SPIDR: variants seen among roughly 807,000 people sequenced by gnomAD.
SPIDR encodes scaffold protein involved in DNA repair.
A neutral mutation model predicts 104.6 loss-of-function variants in SPIDR; 93 were observed. The ratio of observed to expected loss-of-function variants is 0.89; its 90% CI spans 0.75 to 1.06. SPIDR has a LOEUF of 1.06. SPIDR is among the 50% of genes least tolerant of loss of function. The pLI is 0.00. For missense variants in SPIDR, 1,154 were observed against 1,111.2 expected (o/e 1.04, Z -0.55); for synonymous variants, 431 against 416.9 (o/e 1.03, Z -0.41).
At chr8:47,499,830 C>CCCCTTCCTGTG (rs921984645) in intron 8 of SPIDR, among the ~76,000 whole-genome samples, 1 of 149,524 alleles carries the variant, frequency 6.7e-6, no homozygotes, top group Non-Finnish European at 1.5e-5. Flanking sequence ...GTGTGATGTT[C>CCCCTTCCTGTG]CCCTTCCTGT....
intron 5 of SPIDR, among the ~76,000 whole-genome samples, chr8:47,334,062 G>C (rs2049253825): frequency 6.6e-6 from 1 of 152,108 alleles, no homozygotes; most frequent in Non-Finnish European, 1.5e-5. Flanking sequence ...GAAGTATTTT[G>C]TTTAGTTTTC....
chr8:47,418,713 G>C (rs1234015602), intron 7 of SPIDR, among the ~76,000 whole-genome samples: 1 of 152,148 alleles, frequency 6.6e-6, no homozygotes, highest in Non-Finnish European at 1.5e-5. Flanking sequence ...CAAAGGGAAT[G>C]CTTCCAGTTT....
chr8:47,341,931 C>T (rs1336403767), intron 5 of SPIDR, among the ~76,000 whole-genome samples: 2 of 152,216 alleles, frequency 1.3e-5, no homozygotes, highest in Admixed American at 6.5e-5. Flanking sequence ...ACGTGTTTCT[C>T]GGAGTTGCGC....
intron 6 of SPIDR, 73 bp downstream of exon 6, chr8:47,396,699 T>G: frequency 7.2e-7 from 1 of 1,397,428 alleles, no homozygotes; most frequent in Non-Finnish European, 9.7e-7. Flanking sequence ...TCTAAAATGT[T>G]AATTTTAAGA....
intron 8 of SPIDR, among the ~76,000 whole-genome samples, chr8:47,553,372 C>G (rs554497296): frequency 3.9e-5 from 6 of 152,330 alleles, no homozygotes; most frequent in African/African-American, 1.4e-4. Flanking sequence ...CCGTCACTTT[C>G]AGGTACACCA....
intron 1 of SPIDR, among the ~76,000 whole-genome samples, chr8:47,264,994 T>C (rs1255648734): frequency 6.6e-6 from 1 of 152,154 alleles, no homozygotes; most frequent in African/African-American, 2.4e-5. Flanking sequence ...GGAATTGCTG[T>C]CTTTCAGCTT....
At chr8:47,684,126 CAA>C (rs748328609) in intron 11 of SPIDR, among the ~76,000 whole-genome samples, 3 of 38,120 alleles carry the variant, frequency 7.9e-5, no homozygotes, top group African/African-American at 2.1e-4. Flanking sequence ...GACTCTGTCT[CAA>C]AAAAAAAAAA....
intron 5 of SPIDR, among the ~76,000 whole-genome samples, chr8:47,331,990 T>C (rs1554604911): frequency 2.4e-4 from 9 of 37,032 alleles, no homozygotes; most frequent in Middle Eastern, 0.013. Flanking sequence ...TTTTTTTCTC[T>C]TTTTTTTTTT....
At chr8:47,470,955 C>T (rs1188743452) in intron 8 of SPIDR, among the ~76,000 whole-genome samples, 5 of 152,182 alleles carry the variant, frequency 3.3e-5, no homozygotes, top group Admixed American at 6.5e-5. Context: ...AGGATGGTCT[C>T]GATCTCCTGA....
chr8:47,294,698 G>A (rs1020620289), intron 5 of SPIDR, among the ~76,000 whole-genome samples: 6 of 152,100 alleles, frequency 3.9e-5, no homozygotes, highest in East Asian at 1.9e-4. Context: ...TGGTGCGATC[G>A]TAGCTCACTG....
intron 8 of SPIDR, among the ~76,000 whole-genome samples, chr8:47,490,744 G>A (rs1234954110): frequency 6.6e-6 from 1 of 152,108 alleles, no homozygotes; most frequent in African/African-American, 2.4e-5. Context: ...ACTATCGCAA[G>A]GACAAAAAAC....
intron 5 of SPIDR, among the ~76,000 whole-genome samples, chr8:47,360,034 A>T (rs2055440067): frequency 6.6e-6 from 1 of 152,030 alleles, no homozygotes; most frequent in Non-Finnish European, 1.5e-5. Context: ...CAAGGTCAGG[A>T]GATTGAGACC....
rs546834852 is a variant in SPIDR at position 47,463,250 on chromosome 8, A to G, written c.1097+22708A>G. 1.8e-4 allele frequency among the ~76,000 whole-genome samples: 27 copies of G among 151,652 alleles called. No individual in the cohort carries two copies. The East Asian group carries it at 4.7e-3, about 26-fold the overall frequency. ...GTGGTGGGCGCCCGTAGTTTCAGCT[A>G]CTCGGGAGGCTGAGGCAGGAGAATG... On this transcript the variant is annotated intron_variant, in intron 8 of 19. Transcript: ENST00000297423.
intron 8 of SPIDR, among the ~76,000 whole-genome samples, chr8:47,568,138 T>C (rs1012669695): frequency 6.6e-6 from 1 of 152,166 alleles, no homozygotes; most frequent in Admixed American, 6.5e-5. Context: ...TTTCCCACTT[T>C]ATAGAAATAT....
At chr8:47,414,861 G>C (rs967439975) in intron 7 of SPIDR, among the ~76,000 whole-genome samples, 17 of 151,986 alleles carry the variant, frequency 1.1e-4, no homozygotes, top group African/African-American at 3.9e-4. Flanking sequence ...TAAAATGTTG[G>C]AATGTCTCTA....
chr8:47,391,808 A>T (rs561464795), intron 5 of SPIDR, among the ~76,000 whole-genome samples: 9 of 152,038 alleles, frequency 5.9e-5, no homozygotes, highest in African/African-American at 9.7e-5. Flanking sequence ...CATCCTGGCT[A>T]ACATGGTGAA....
chr8:47,605,583 G>T (rs922459831), intron 10 of SPIDR, among the ~76,000 whole-genome samples: 1 of 152,156 alleles, frequency 6.6e-6, no homozygotes, highest in Non-Finnish European at 1.5e-5. Flanking sequence ...TTAATGGAAA[G>T]AACAAAAAAT....
intron 8 of SPIDR, among the ~76,000 whole-genome samples, chr8:47,505,838 C>A (rs1426625849): frequency 6.6e-6 from 1 of 152,204 alleles, no homozygotes; most frequent in Admixed American, 6.5e-5. Flanking sequence ...AGTGTTCACT[C>A]TCTCCGAACC....
At chr8:47,696,639 C>G (rs1305569702) in intron 11 of SPIDR, among the ~76,000 whole-genome samples, 1 of 152,164 alleles carries the variant, frequency 6.6e-6, no homozygotes, top group African/African-American at 2.4e-5. Flanking sequence ...TCACAGATGG[C>G]TGGTTGTTTC....
Sources: allele counts gnomAD v4.1 joint callset (sites outside exome capture counted in the v4.1 genomes callset), GRCh38; gene constraint gnomAD v4.1.1; transcripts MANE v1.5; gene names NCBI Gene and HGNC (gene_info 2026-07-23, HGNC 2026-07-21).